PCCA: variants seen among roughly 807,000 people sequenced by gnomAD.
The protein encoded by PCCA is propionyl-CoA carboxylase subunit alpha, also known as propionyl-CoA carboxylase alpha chain, mitochondrial.
PCCA carries 74 observed loss-of-function variants against 101.3 expected under a neutral mutation model. The ratio of observed to expected loss-of-function variants is 0.73; its 90% confidence interval spans 0.61 to 0.89. The LOEUF is 0.89. Ranked by LOEUF, PCCA falls within the 40% of genes least tolerant of loss-of-function variation. PCCA has a pLI of 0.00. For missense variants in PCCA, 891 were observed against 907.0 expected (o/e 0.98, Z 0.23); for synonymous variants, 294 against 313.6 (o/e 0.94, Z 0.66).
At chr13:100,426,089 A>G (rs2079130714) in intron 20 of PCCA, among the ~76,000 whole-genome samples, 1 of 152,038 alleles carries the variant, frequency 6.6e-6, no homozygotes, top group Non-Finnish European at 1.5e-5. Flanking sequence ...GTGCAGTTGA[A>G]ATTACGTAGT....
chr13:100,119,241 G>T (rs1298569814), intron 4 of PCCA, among the ~76,000 whole-genome samples: 1 of 151,950 alleles, frequency 6.6e-6, no homozygotes. Flanking sequence ...TTAATTTAAA[G>T]AATCTATCAT....
intron 21 of PCCA, among the ~76,000 whole-genome samples, chr13:100,478,250 C>T (rs2083579685): frequency 6.6e-6 from 1 of 152,208 alleles, no homozygotes. Flanking sequence ...TTTGAATCCT[C>T]TGAGGAGCGG....
chr13:100,526,468 T>C (rs2087828552), intron 22 of PCCA, among the ~76,000 whole-genome samples: 1 of 152,204 alleles, frequency 6.6e-6, no homozygotes, highest in Non-Finnish European at 1.5e-5. Context: ...GTACATCGGC[T>C]CAGGCGCTCC....
In PCCA at chr13:100,342,037, TA is replaced by T. The variant is rs575338064; in HGVS notation, c.1643+1779del. 1.0e-4 allele frequency among the ~76,000 whole-genome samples: 15 copies of T among 147,776 alleles called. No individual in the cohort carries two copies. The South Asian group carries it at 2.8e-3, about 27-fold the overall frequency. On this transcript the variant is annotated intron_variant, in intron 18 of 23. Transcript: ENST00000376285. ...TTTATATACATACATGTAGCATTTA[TA>T]CTTTGCATAATTAGAGTCATAAACC...
chr13:100,377,596 G>A (rs890270997), intron 19 of PCCA, among the ~76,000 whole-genome samples: 3 of 152,084 alleles, frequency 2.0e-5, no homozygotes, highest in East Asian at 1.9e-4. Flanking sequence ...CCAGGTTCAC[G>A]CCATTCTCCT....
chr13:100,368,771 G>A (rs778148424), intron 19 of PCCA, among the ~76,000 whole-genome samples, 197 bp downstream of exon 19: 12 of 152,006 alleles, frequency 7.9e-5, no homozygotes, highest in Non-Finnish European at 1.3e-4. Flanking sequence ...TCTAGATTTA[G>A]CCACATCCTA....
At chr13:100,256,619 G>A (rs1047091392) in intron 8 of PCCA, among the ~76,000 whole-genome samples, 1 of 152,138 alleles carries the variant, frequency 6.6e-6, no homozygotes. Flanking sequence ...GTGGTTTGGG[G>A]TTCAAAAGGT....
intron 6 of PCCA, among the ~76,000 whole-genome samples, chr13:100,193,875 A>T (rs1031421500): frequency 3.9e-5 from 6 of 152,108 alleles, no homozygotes; most frequent in African/African-American, 1.4e-4. Context: ...GTCAGGAGAT[A>T]GAGACCATCC....
At position 100,434,677 on chromosome 13, in the gene PCCA, A is replaced by C. The variant is rs938552487; in HGVS notation, c.1845+8946A>C. Among the ~76,000 whole-genome samples, 10 of 152,224 alleles carry C rather than the reference A, an allele frequency of 6.6e-5. No individual in the cohort carries two copies. The South Asian group carries it at 2.1e-3, about 32-fold the overall frequency. On this transcript the variant is annotated intron_variant, in intron 20 of 23. Transcript: ENST00000376285. ...ATGTTCTCACTGGGCATGGTCCCTC[A>C]TAATGACCCCGCCTGCTTTTCTCCT...
At chr13:100,119,745 A>G (rs1169101867) in intron 4 of PCCA, among the ~76,000 whole-genome samples, 2 of 152,112 alleles carry the variant, frequency 1.3e-5, no homozygotes, top group African/African-American at 4.8e-5. Context: ...CAAACCTCCA[A>G]CTCACACGGG....
At chr13:100,470,226 T>C (rs1462402850) in intron 21 of PCCA, among the ~76,000 whole-genome samples, 2 of 151,878 alleles carry the variant, frequency 1.3e-5, no homozygotes, top group East Asian at 3.9e-4. Flanking sequence ...GCAGTACATT[T>C]TTATCAGTGA....
chr13:100,248,707 T>C (rs1451626290), intron 8 of PCCA, among the ~76,000 whole-genome samples: 1 of 152,178 alleles, frequency 6.6e-6, no homozygotes, highest in Non-Finnish European at 1.5e-5. Flanking sequence ...TTCTTAGGTA[T>C]GGGTTTTGTA....
intron 1 of PCCA, among the ~76,000 whole-genome samples, chr13:100,096,356 C>A (rs1162683432): frequency 6.6e-6 from 1 of 152,092 alleles, no homozygotes; most frequent in Non-Finnish European, 1.5e-5. Context: ...GTGAACCACG[C>A]CCATATAAGT....
intron 18 of PCCA, among the ~76,000 whole-genome samples, chr13:100,340,797 A>G (rs2152753257): frequency 6.6e-6 from 1 of 152,356 alleles, no homozygotes; most frequent in East Asian, 1.9e-4. Flanking sequence ...TGGTGCTTCT[A>G]GAGAGAGGAT....
chr13:100,228,108 C>T (rs1373411771), intron 7 of PCCA, among the ~76,000 whole-genome samples: 1 of 152,042 alleles, frequency 6.6e-6, no homozygotes, highest in Non-Finnish European at 1.5e-5. Flanking sequence ...TTCTGCCTCC[C>T]GGGTTCAATC....
chr13:100,260,892 TAAA>T (rs767024619), intron 9 of PCCA, among the ~76,000 whole-genome samples: 1 of 137,374 alleles, frequency 7.3e-6, no homozygotes, highest in Non-Finnish European at 1.6e-5. Flanking sequence ...AACCATCCTT[TAAA>T]AAAAAAAAAA....
chr13:100,297,206 G>A (rs1043798001), intron 12 of PCCA, among the ~76,000 whole-genome samples: 2 of 152,104 alleles, frequency 1.3e-5, no homozygotes, highest in African/African-American at 2.4e-5. Context: ...TATCTCTGGC[G>A]TTTCTACACT....
intron 19 of PCCA, among the ~76,000 whole-genome samples, chr13:100,417,416 C>T (rs980081756): frequency 8.5e-5 from 13 of 152,226 alleles, no homozygotes; most frequent in Admixed American, 2.6e-4. Context: ...CAAAAACAGG[C>T]GGCACTTCCA....
At chr13:100,408,487 T>C (rs1049579245) in intron 19 of PCCA, among the ~76,000 whole-genome samples, 44 of 152,160 alleles carry the variant, frequency 2.9e-4, no homozygotes, top group Non-Finnish European at 4.4e-5. Context: ...CTTTAAAAAA[T>C]ATTAGATCCA....
Sources: allele counts gnomAD v4.1 joint callset (sites outside exome capture counted in the v4.1 genomes callset), GRCh38; gene constraint gnomAD v4.1.1; transcripts MANE v1.5; gene names NCBI Gene and HGNC (gene_info 2026-07-23, HGNC 2026-07-21).